The following ADTRP variants were observed in gnomAD, a reference collection of about 807,000 sequenced individuals.
The protein encoded by ADTRP is androgen dependent TFPI regulating protein.
A neutral mutation model predicts 27.0 loss-of-function variants in ADTRP; 20 were observed. The ratio of observed to expected loss-of-function variants is 0.74; its 90% confidence interval spans 0.52 to 1.08. The LOEUF is 1.08. Among genes scored for constraint, ADTRP ranks in the 50% least tolerant of loss-of-function variants. ADTRP has a pLI of 0.00. For synonymous variants in ADTRP, 101 were observed against 105.2 expected (o/e 0.96, Z 0.25); for missense variants, 251 against 275.0 (o/e 0.91, Z 0.62).
chr6:11,767,185 G>A (rs777789342), intron 2 of ADTRP, among the ~76,000 whole-genome samples: 4 of 152,074 alleles, frequency 2.6e-5, no homozygotes, highest in Non-Finnish European at 4.4e-5. Flanking sequence ...CAGCCTGGGC[G>A]ACATGGCAAA....
chr6:11,766,752 T>C (rs146294482), intron 2 of ADTRP, among the ~76,000 whole-genome samples: 2 of 152,294 alleles, frequency 1.3e-5, no homozygotes, highest in East Asian at 3.9e-4. Context: ...ATGGAGTAGC[T>C]TGAGTCATAC....
chr6:11,732,721 G>A (rs917943276), intron 4 of ADTRP, among the ~76,000 whole-genome samples: 2 of 152,062 alleles, frequency 1.3e-5, no homozygotes, highest in Non-Finnish European at 2.9e-5. Context: ...CTGGGCACTG[G>A]GGCTCACCCA....
At chr6:11,731,900 A>G (rs1486547801) in intron 4 of ADTRP, among the ~76,000 whole-genome samples, 1 of 152,146 alleles carries the variant, frequency 6.6e-6, no homozygotes, top group Non-Finnish European at 1.5e-5. Context: ...AGGACCAACC[A>G]TGTGTTAGGG....
chr6:11,754,804 C>T (rs2113295847), intron 3 of ADTRP, among the ~76,000 whole-genome samples: 1 of 152,286 alleles, frequency 6.6e-6, no homozygotes, highest in South Asian at 2.1e-4. Context: ...GGTTATTAAG[C>T]AACCAGAAGC....
intron 1 of ADTRP, among the ~76,000 whole-genome samples, chr6:11,771,269 C>T: frequency 6.6e-6 from 1 of 152,242 alleles, no homozygotes; most frequent in South Asian, 2.1e-4. Flanking sequence ...ACGGTGTGTG[C>T]CAGGCAGCCC....
intron 3 of ADTRP, among the ~76,000 whole-genome samples, chr6:11,750,983 C>A (rs1440217899): frequency 6.6e-6 from 1 of 152,230 alleles, no homozygotes; most frequent in Non-Finnish European, 1.5e-5. Flanking sequence ...TCTCAAGTAG[C>A]TGAGACTACA....
At chr6:11,723,903 A>G (rs1581312072) in intron 4 of ADTRP, among the ~76,000 whole-genome samples, 1 of 152,020 alleles carries the variant, frequency 6.6e-6, no homozygotes, top group African/African-American at 2.4e-5. Flanking sequence ...CACTAAAAAT[A>G]CAAAAAATTA....
intron 3 of ADTRP, among the ~76,000 whole-genome samples, chr6:11,737,755 C>G (rs554745843): frequency 6.6e-6 from 1 of 152,126 alleles, no homozygotes; most frequent in African/African-American, 2.4e-5. Context: ...ACTAACGATG[C>G]CTAGAGGAAC....
At chr6:11,731,644 T>A (rs890597669) in intron 4 of ADTRP, among the ~76,000 whole-genome samples, 1 of 151,916 alleles carries the variant, frequency 6.6e-6, no homozygotes, top group African/African-American at 2.4e-5. Context: ...TCTCATTTTT[T>A]CTAGCTCCAA....
intron 3 of ADTRP, among the ~76,000 whole-genome samples, chr6:11,759,064 C>T (rs765193331): frequency 1.3e-5 from 2 of 152,140 alleles, no homozygotes; most frequent in African/African-American, 4.8e-5. Flanking sequence ...GCTCACCTGG[C>T]AGGGAGTGAG....
intron 3 of ADTRP, among the ~76,000 whole-genome samples, chr6:11,761,020 C>T (rs1302567156): frequency 1.3e-5 from 2 of 152,182 alleles, no homozygotes; most frequent in Non-Finnish European, 2.9e-5. Flanking sequence ...TTATCTCCTC[C>T]CTCCTCAATC....
chr6:11,723,609 C>G (rs1762089354), intron 4 of ADTRP, 109 bp from the exon 5 acceptor site: 1 of 1,315,362 alleles, frequency 7.6e-7, no homozygotes, highest in Non-Finnish European at 1.1e-6. Flanking sequence ...GAGAACCCAT[C>G]AGGGACGTTT....
chr6:11,776,140 C>T (rs1395207482), intron 1 of ADTRP, among the ~76,000 whole-genome samples: 3 of 152,178 alleles, frequency 2.0e-5, no homozygotes, highest in Admixed American at 2.0e-4. Context: ...CTCTGAAATA[C>T]ACTCAACCCA....
chr6:11,762,343 A>G (rs1763417233), intron 3 of ADTRP, among the ~76,000 whole-genome samples: 1 of 152,202 alleles, frequency 6.6e-6, no homozygotes, highest in Non-Finnish European at 1.5e-5. Context: ...GCATTCACTC[A>G]CTATTTCAAC....
chr6:11,778,567 G>C, intron 1 of ADTRP, 40 bp downstream of exon 1: 1 of 1,588,896 alleles, frequency 6.3e-7, no homozygotes, highest in Middle Eastern at 1.7e-4. Flanking sequence ...TGATATTCTA[G>C]AGAAATGGAT....
chr6:11,771,199 C>T (rs950385456), intron 1 of ADTRP, among the ~76,000 whole-genome samples: 3 of 152,250 alleles, frequency 2.0e-5, no homozygotes, highest in Non-Finnish European at 4.4e-5. Context: ...CCCTCTCCCT[C>T]TCCACCCCAG....
rs576785005 is a variant in ADTRP, at chr6:11,765,364, G to C, written c.390+910C>G. On this transcript the variant is annotated intron_variant, in intron 3 of 5. Transcript: ENST00000414691. ...TTTTTTGAGGCAGAGTTTCACTCTT[G>C]TTGCCCAGGCTGAAGTGCAATGGTG... is the stretch of plus-strand genomic sequence containing the variant. 7.8e-5 allele frequency among the ~76,000 whole-genome samples: 8 copies of C among 103,044 alleles called. No individual in the cohort carries two copies. The East Asian group carries it at 2.2e-3, about 29-fold the overall frequency. 67.6% of individuals were successfully genotyped at this position (103,044 alleles called of 152,430 possible). A position where few individuals can be genotyped will look rare whatever the true frequency, so the allele number is the denominator to read the frequency against.
chr6:11,744,979 G>T lies in ADTRP; in HGVS notation c.391-9296C>A, dbSNP rs548159448. Among the ~76,000 whole-genome samples the T allele has an allele frequency of 3.3e-5, 5 of 152,328 alleles. No homozygotes were observed. The South Asian group carries it at 1.0e-3, about 32-fold the overall frequency. On this transcript the variant is annotated intron_variant, in intron 3 of 5. Transcript: ENST00000414691. Reference sequence around the variant, plus strand: ...CTGTAAGCACAAACTCAGGGGCACAGTTCCAAACCTTCCGCATGACTGATC... The same window carrying T: ...CTGTAAGCACAAACTCAGGGGCACATTTCCAAACCTTCCGCATGACTGATC...
chr6:11,739,499 G>C (rs1413043647), intron 3 of ADTRP, among the ~76,000 whole-genome samples: 1 of 152,156 alleles, frequency 6.6e-6, no homozygotes, highest in Non-Finnish European at 1.5e-5. Flanking sequence ...ATATCTTGGA[G>C]TGAGAACTAC....
Sources: gnomAD v4.1 joint callset for allele counts (sites outside exome capture counted in the v4.1 genomes callset) on GRCh38, gnomAD v4.1.1 for gene constraint, MANE v1.5 for transcripts, NCBI Gene and HGNC (gene_info 2026-07-23, HGNC 2026-07-21) for gene names.